The following ASPM variants were observed in gnomAD, a reference collection of about 807,000 sequenced individuals.
The protein encoded by ASPM is abnormal spindle-like microcephaly-associated protein.
In ASPM, 256 loss-of-function variants were observed where a neutral mutation model predicts 366.4. The observed-to-expected ratio is 0.70, with a 90% CI of 0.63 to 0.77. The LOEUF is 0.77. Ranked by LOEUF, ASPM falls within the 30% of genes least tolerant of loss-of-function variation. The probability of loss-of-function intolerance (pLI) is 0.00; values close to 1 mark genes in which losing one functional copy is unlikely to be tolerated. For missense variants in ASPM, 4,146 were observed against 4,090.4 expected, an observed-to-expected ratio of 1.01 and a Z score of -0.37; for synonymous variants, 1,414 against 1,342.9, an observed-to-expected ratio of 1.05 and a Z score of -1.16.
In ASPM at chr1:197,090,836, C is replaced by CAA. The variant is rs754852879; in HGVS notation, c.9636+12_9636+13dup. The stretch of plus-strand genomic sequence containing the variant: ...ACTAAAGTTTTGAACTAAAACTATA[C>CAA]AAGTTTCAATTACCTGAATTTTAAT... On this transcript the variant is annotated intron_variant, in intron 23 of 27. Coordinates refer to ENST00000367409, the MANE Select transcript of ASPM (RefSeq NM_018136.5). 9.3e-6 allele frequency: 15 copies of CAA among 1,606,084 alleles called. No individual in the cohort carries two copies. Among genetic ancestry groups the CAA allele is most frequent in the Non-Finnish European group, 1.3e-5 (15 of 1,173,768 alleles).
In ASPM at chr1:197,114,170, C is replaced by G. The variant is rs188838856; in HGVS notation, c.4065+3619G>C. Among the ~76,000 whole-genome samples, 4 of 152,302 alleles carry G rather than the reference C, an allele frequency of 2.6e-5. No homozygotes were observed. In the East Asian group the frequency reaches 7.7e-4, roughly 29 times the overall value. The stretch of plus-strand genomic sequence containing the variant: ...ATACCGAAGTTATCTTTACACTATA[C>G]TGCAGTCTATTAAGTGTGCAAAACC... On this transcript the variant is annotated intron_variant, in intron 17 of 27. Transcript: ENST00000367409.
In ASPM at chr1:197,146,458, T is replaced by C. The variant is rs1235001814; in HGVS notation, c.-21A>G. The C allele has an allele frequency of 1.0e-5, 16 of 1,601,858 alleles. No individual in the cohort carries two copies. The highest frequency in any genetic ancestry group is 1.3e-5 in the Non-Finnish European group (15 of 1,179,044). ...GCCATGGCAGATTCGAGACCCCTCC[T>C]GGATCTCCTTGCCCCGCTCCCACGA... On this transcript the variant is annotated 5_prime_UTR_variant, in exon 1 of 28. Transcript: ENST00000367409.
chr1:197,144,884 A>C (rs1258059917), intron 1 of ASPM, among the ~76,000 whole-genome samples: 1 of 152,240 alleles, frequency 6.6e-6, no homozygotes, highest in Non-Finnish European at 1.5e-5. Context: ...CATCATAAAC[A>C]ACTAATTTTA....
intron 4 of ASPM, among the ~76,000 whole-genome samples, chr1:197,135,729 T>C (rs1481161512): frequency 2.0e-5 from 3 of 151,266 alleles, no homozygotes; most frequent in East Asian, 1.9e-4. Context: ...CCTGGGCAGA[T>C]TGCTTGAGGC....
At chr1:197,132,129 T>C (rs1658273515) in intron 7 of ASPM, among the ~76,000 whole-genome samples, 156 bp downstream of exon 7, 1 of 152,194 alleles carries the variant, frequency 6.6e-6, no homozygotes, top group South Asian at 2.1e-4. Context: ...TAAGCATTTA[T>C]TAACGGGTAT....
intron 20 of ASPM, 117 bp from the exon 21 acceptor site, chr1:197,093,378 T>C: frequency 2.3e-6 from 2 of 874,870 alleles, no homozygotes; most frequent in Admixed American, 3.7e-5. Flanking sequence ...AGTCTAAGAA[T>C]GCCATGTTTC....
intron 23 of ASPM, 23 bp downstream of exon 23, chr1:197,090,827 A>G (rs749298378): frequency 1.9e-6 from 3 of 1,599,396 alleles, no homozygotes. Context: ...GTTTTGAACT[A>G]AAACTATACA....
At chr1:197,127,844 T>C (rs1658135109) in intron 10 of ASPM, among the ~76,000 whole-genome samples, 1 of 152,138 alleles carries the variant, frequency 6.6e-6, no homozygotes, top group African/African-American at 2.4e-5. Context: ...TCAAATGATA[T>C]AAAATTCATG....
rs1297698192 is a variant in ASPM at position 197,122,545 on chromosome 1, C to T, written c.3441G>A (p.Leu1147=). ...SFSDGRVLCY[L]IHHYHPCYVP... is the part of the protein sequence containing the mutation. ...CATAGCAAGGATGGTAATGGTGGAT[C>T]AGGTAACATAACACACGGCCGTCTG... is the stretch of plus-strand genomic sequence containing the variant. Residue 1147 remains leucine, a synonymous_variant, in exon 14 of 28, where the codon CTG becomes CTA. Transcript: ENST00000367409. The T allele has an allele frequency of 1.2e-6, 2 of 1,612,974 alleles. No homozygotes were observed. Among genetic ancestry groups the T allele is most frequent in the Admixed American group, 1.7e-5 (1 of 59,830 alleles).
chr1:197,086,842 A>G lies in ASPM; in HGVS notation c.10292T>C (p.Phe3431Ser). ...GGTCCTTACAGGTGTTTCTGGGATA[A>G]AAGGAATGCTTATAGAAGAATTCTT... The part of the protein sequence containing the change: ...QKKNSSISIP[F>S]IPETPVRTRI... Residue 3431 changes from phenylalanine to serine, a missense_variant, in exon 27 of 28, where the codon TTT (phenylalanine) becomes TCT (serine). Around this residue, in one of 3 missense-constraint regions of ASPM, gnomAD observed 3,624 missense variants for 3,591.7 expected, o/e 1.01. Transcript: ENST00000367409. The G allele has an allele frequency of 6.2e-7, 1 of 1,611,830 alleles. No individual in the cohort carries two copies. Among genetic ancestry groups the G allele is most frequent in the South Asian group, 1.1e-5 (1 of 91,032 alleles).
rs780374189 is a variant in ASPM, at chr1:197,100,970, C to T, written c.8281G>A (p.Val2761Ile). Residue 2761 changes from valine to isoleucine, a missense_variant, in exon 18 of 28, where the codon GTA becomes ATA. Val to Ile is a conservative substitution (Grantham distance 29, BLOSUM62 3). Transcript: ENST00000367409. ...ATGGCTGCCATCTTTTCCTCTGATA[C>T]ATTTTTCAATTTTTGTCTAACTTTC... ...GMKVRQKLKN[V>I]SEEKMAAIVN... 2.5e-6 allele frequency: 4 copies of T among 1,612,584 alleles called. No homozygotes were observed. Among genetic ancestry groups the T allele is most frequent in the Non-Finnish European group, 3.4e-6 (4 of 1,179,136 alleles).
At chr1:197,121,748 A>C (rs1657909483) in intron 16 of ASPM, among the ~76,000 whole-genome samples, 167 bp downstream of exon 16, 1 of 152,176 alleles carries the variant, frequency 6.6e-6, no homozygotes, top group South Asian at 2.1e-4. Flanking sequence ...ATTAGCAATT[A>C]GGGAGAAATA....
rs780036327 is a variant in ASPM, at chr1:197,122,509, G to A, written c.3477C>T (p.Asp1159=). 19 of 1,613,334 alleles carry A rather than the reference G, an allele frequency of 1.2e-5. No homozygotes were observed. Among genetic ancestry groups the A allele is most frequent in the South Asian group, 2.2e-5 (2 of 91,040 alleles). Residue 1159 remains aspartate (D), a synonymous_variant, in exon 14 of 28, where the codon GAC becomes GAT. Coordinates refer to ENST00000367409, the MANE Select transcript of ASPM (RefSeq NM_018136.5). ...TTTGAGTAGTACGCTGACATATAGC[G>A]TCAAATGGCACATAGCAAGGATGGT... The part of the protein sequence containing the change: ...HHYHPCYVPF[D]AICQRTTQTV...
rs1254973525 is a variant in ASPM at position 197,143,212 on chromosome 1, T to C, written c.1040A>G (p.Asn347Ser). 1 of 1,613,538 alleles carries C rather than the reference T, an allele frequency of 6.2e-7. No homozygotes were observed. Among genetic ancestry groups the C allele is most frequent in the Admixed American group, 1.7e-5 (1 of 59,992 alleles). The stretch of plus-strand genomic sequence containing the variant: ...TGATTCCAAATGCACAGGCTGTGAA[T>C]TATCTTTCATAAACATATCTGATGA... ...CLSSDMFMKD[N>S]SQPVHLESTI... is the part of the protein sequence containing the mutation. Residue 347 changes from asparagine (N) to serine (S), a missense_variant, in exon 3 of 28, where the codon AAT becomes AGT. Coordinates refer to ENST00000367409, the MANE Select transcript of ASPM (RefSeq NM_018136.5).
chr1:197,104,404 A>G lies in ASPM; in HGVS notation c.4847T>C (p.Phe1616Ser). The G allele has an allele frequency of 6.2e-7, 1 of 1,613,102 alleles. No homozygotes were observed. Among genetic ancestry groups the G allele is most frequent in the Non-Finnish European group, 8.5e-7 (1 of 1,179,440 alleles). ...TTTCATGGCAAAAATATAAGCTCGG[A>G]AATGAGTCTGAATTATAACAGCTGC... is the stretch of plus-strand genomic sequence containing the variant. ...KKAAVIIQTHFRAYIFAMKVL... is the reference protein window; with the variant it reads ...KKAAVIIQTHSRAYIFAMKVL... The change falls in exon 18 of 28, where the codon TTC (phenylalanine) becomes TCC (serine). Residue 1616 changes from phenylalanine to serine, a missense_variant. Coordinates refer to ENST00000367409, the MANE Select transcript of ASPM (RefSeq NM_018136.5).
chr1:197,122,374 C>G lies in ASPM; in HGVS notation c.3598+14G>C. ...CATGGCAAAAAATTGGAAAAGTAACCAAAAGGGACTAACCATGATCAAATG... is the reference window on the plus strand; with the variant it reads ...CATGGCAAAAAATTGGAAAAGTAACGAAAAGGGACTAACCATGATCAAATG... On this transcript the variant is annotated intron_variant, in intron 14 of 27. Transcript: ENST00000367409. 6.2e-7 allele frequency: 1 copy of G among 1,613,442 alleles called. No homozygotes were observed. The highest frequency in any genetic ancestry group is 1.1e-5 in the South Asian group (1 of 91,038).
At chr1:197,133,095 A>G (rs886190264) in intron 6 of ASPM, among the ~76,000 whole-genome samples, 2 of 152,160 alleles carry the variant, frequency 1.3e-5, no homozygotes, top group African/African-American at 4.8e-5. Flanking sequence ...GTATACTTGA[A>G]ATTTGCTGAG....
At position 197,100,873 on chromosome 1, in the gene ASPM, A is replaced by G; in HGVS notation, c.8378T>C (p.Met2793Thr). ...AGAAGCTTTATACCACTCTTGAATC[A>G]TAACACCTTCACTTTGAACAGCTTC... The part of the protein sequence containing the change: ...QYEAVQSEGV[M>T]IQEWYKASGL... Residue 2793 changes from methionine to threonine, a missense_variant, in exon 18 of 28, where the codon ATG (methionine) becomes ACG (threonine). Transcript: ENST00000367409. 6.2e-7 allele frequency: 1 copy of G among 1,612,686 alleles called. No individual in the cohort carries two copies. The highest frequency in any genetic ancestry group is 8.5e-7 in the Non-Finnish European group (1 of 1,179,154).
chr1:197,126,710 G>A (rs10754216), intron 10 of ASPM, among the ~76,000 whole-genome samples: 68,167 of 152,020 alleles, frequency 0.45, 16,871 homozygotes, highest in East Asian at 0.82. Context: ...CTATTAACTT[G>A]TGAGAATACT....
Sources: allele counts gnomAD v4.1 joint callset (sites outside exome capture counted in the v4.1 genomes callset), GRCh38; gene constraint gnomAD v4.1.1; regional missense constraint gnomAD v4.1.1; transcripts MANE v1.5; gene names NCBI Gene and HGNC (gene_info 2026-07-23, HGNC 2026-07-21).